PTPRG: variants seen among roughly 807,000 people sequenced by gnomAD.
The protein encoded by PTPRG is protein tyrosine phosphatase receptor type G.
A neutral mutation model predicts 165.3 loss-of-function variants in PTPRG; 102 were observed. The ratio of observed to expected loss-of-function variants is 0.62; its 90% CI spans 0.53 to 0.73. The LOEUF is 0.73. PTPRG is among the 30% of genes least tolerant of loss of function. The pLI, the probability that PTPRG is intolerant of heterozygous loss-of-function variation, is 0.00. For synonymous variants in PTPRG, 675 were observed against 669.5 expected (o/e 1.01, Z -0.13); for missense variants, 1,866 against 1,861.4 (o/e 1.00, Z -0.05).
intron 2 of PTPRG, among the ~76,000 whole-genome samples, chr3:61,845,858 A>ATTC (rs10701446): frequency 0.17 from 26,099 of 152,004 alleles, 2,310 homozygotes; most frequent in African/African-American, 0.22. Context: ...GTTGTTTCCT[A>ATTC]TTCTTTTGTG....
chr3:61,777,016 C>G (rs2034403232), intron 2 of PTPRG, among the ~76,000 whole-genome samples: 1 of 152,146 alleles, frequency 6.6e-6, no homozygotes, highest in East Asian at 1.9e-4. Flanking sequence ...TCTCATTCCT[C>G]TTTGAATCTT....
intron 4 of PTPRG, among the ~76,000 whole-genome samples, chr3:62,013,715 G>A (rs2041479663): frequency 6.6e-6 from 1 of 151,630 alleles, no homozygotes; most frequent in African/African-American, 2.4e-5. Flanking sequence ...TACACATATA[G>A]TAGTTCAGTT....
At chr3:61,673,207 A>G (rs1179043885) in intron 1 of PTPRG, among the ~76,000 whole-genome samples, 1 of 152,194 alleles carries the variant, frequency 6.6e-6, no homozygotes, top group Admixed American at 6.5e-5. Context: ...ATAACAAGCT[A>G]TAAGTTGTCC....
intron 2 of PTPRG, among the ~76,000 whole-genome samples, chr3:61,915,649 G>T (rs1033145830): frequency 1.3e-5 from 2 of 152,078 alleles, no homozygotes; most frequent in Non-Finnish European, 1.5e-5. Context: ...GGCCTTTTAG[G>T]AACATATTTT....
At chr3:61,731,528 T>C (rs2032500610) in intron 1 of PTPRG, among the ~76,000 whole-genome samples, 1 of 151,926 alleles carries the variant, frequency 6.6e-6, no homozygotes, top group Non-Finnish European at 1.5e-5. Flanking sequence ...TTTTGTATTT[T>C]AGTAGAGACA....
chr3:62,219,836 C>T lies in PTPRG; in HGVS notation c.2288+853C>T, dbSNP rs1217162120. Among the ~76,000 whole-genome samples the T allele has an allele frequency of 6.6e-6, 1 of 152,192 alleles. No individual in the cohort carries two copies. Among genetic ancestry groups the T allele is most frequent in the Non-Finnish European group, 1.5e-5 (1 of 68,026 alleles). On this transcript the variant is annotated intron_variant, in intron 13 of 29. Transcript: ENST00000474889. The surrounding 1 kb of genome is among the most constrained non-coding windows in gnomAD (Gnocchi z 4.5). ...TGAGTAAAACAGATAAGAATCCTTA[C>T]TGTCATGGAGCTTACAGTTTAGTGG...
chr3:61,688,447 TCCATC>T lies in PTPRG; in HGVS notation c.86-60430_86-60426del, dbSNP rs1168766435. On this transcript the variant is annotated intron_variant, in intron 1 of 29. Transcript: ENST00000474889. The stretch of plus-strand genomic sequence containing the variant: ...CAGAGGCTCTCTTTTCTCAGTCGCC[TCCATC>T]TTTCCAGAGACTCAGAGGCCACCAG... Among the ~76,000 whole-genome samples the T allele has an allele frequency of 6.7e-4, 102 of 152,296 alleles. 1 individual carries two copies. The highest frequency in any genetic ancestry group is 7.4e-5 in the Non-Finnish European group (5 of 68,024).
intron 1 of PTPRG, among the ~76,000 whole-genome samples, chr3:61,600,207 T>TGC (rs1700824710): frequency 4.0e-5 from 6 of 149,836 alleles, no homozygotes; most frequent in Non-Finnish European, 8.9e-5. Flanking sequence ...TGTGTGTGTG[T>TGC]GTGTGTGTGT....
intron 28 of PTPRG, among the ~76,000 whole-genome samples, chr3:62,291,851 T>C (rs1047793678): frequency 6.6e-6 from 1 of 152,158 alleles, no homozygotes; most frequent in Non-Finnish European, 1.5e-5. Flanking sequence ...AGAACCACAT[T>C]TATCTTTCCA....
chr3:61,821,625 T>C (rs1188018494), intron 2 of PTPRG, among the ~76,000 whole-genome samples: 1 of 152,078 alleles, frequency 6.6e-6, no homozygotes, highest in Non-Finnish European at 1.5e-5. Context: ...AAAGGAAGGC[T>C]AGGATGACCC....
chr3:61,853,658 AT>A (rs1404872250), intron 2 of PTPRG, among the ~76,000 whole-genome samples: 1 of 152,258 alleles, frequency 6.6e-6, no homozygotes, highest in Non-Finnish European at 1.5e-5. Context: ...ATGGTGACAG[AT>A]AATAAATGTT....
chr3:62,080,065 T>TTTTTTTTTTTTTTTTTTTTTTTTG (rs1701514960), intron 5 of PTPRG, among the ~76,000 whole-genome samples: 1 of 148,014 alleles, frequency 6.8e-6, no homozygotes, highest in Non-Finnish European at 1.5e-5. Context: ...TCGGTTCATT[T>TTTTTTTTTTTTTTTTTTTTTTTTG]TTTTTTTTTT....
intron 6 of PTPRG, among the ~76,000 whole-genome samples, chr3:62,132,910 A>T (rs1508392): frequency 6.6e-6 from 1 of 152,208 alleles, no homozygotes; most frequent in African/African-American, 2.4e-5. Flanking sequence ...TGCATATGTT[A>T]TAAATCAGAA....
At chr3:61,709,395 A>G (rs1401019533) in intron 1 of PTPRG, among the ~76,000 whole-genome samples, 1 of 152,004 alleles carries the variant, frequency 6.6e-6, no homozygotes, top group Non-Finnish European at 1.5e-5. Flanking sequence ...GTTTACTGCA[A>G]CGTCCACCTC....
At chr3:61,904,174 C>G (rs2038578444) in intron 2 of PTPRG, among the ~76,000 whole-genome samples, 1 of 152,144 alleles carries the variant, frequency 6.6e-6, no homozygotes, top group Non-Finnish European at 1.5e-5. Flanking sequence ...TTTTAACACC[C>G]AAGTGCAGCT....
chr3:62,082,326 C>G (rs1701609901), intron 5 of PTPRG, among the ~76,000 whole-genome samples: 1 of 152,100 alleles, frequency 6.6e-6, no homozygotes, highest in African/African-American at 2.4e-5. Context: ...AATGTTGCCC[C>G]CCAAAAGCAC....
intron 5 of PTPRG, among the ~76,000 whole-genome samples, chr3:62,120,266 G>A (rs1476885786): frequency 1.5e-5 from 2 of 132,556 alleles, no homozygotes; most frequent in Non-Finnish European, 3.4e-5. Context: ...GTTGATCCAG[G>A]ATACGGTTAG....
chr3:61,758,442 A>G (rs1471161086), intron 2 of PTPRG, among the ~76,000 whole-genome samples: 1 of 152,032 alleles, frequency 6.6e-6, no homozygotes, highest in East Asian at 1.9e-4. Context: ...CCATGTTGAA[A>G]TTATCTTAGT....
intron 5 of PTPRG, among the ~76,000 whole-genome samples, chr3:62,115,439 A>G (rs1282956144): frequency 6.6e-6 from 1 of 152,188 alleles, no homozygotes; most frequent in East Asian, 1.9e-4. Flanking sequence ...CAGGTAGGTT[A>G]CCACTCGATG....
Sources: allele counts gnomAD v4.1 joint callset (sites outside exome capture counted in the v4.1 genomes callset), GRCh38; gene constraint gnomAD v4.1.1; non-coding constraint Gnocchi (gnomAD v3.1); transcripts MANE v1.5; gene names NCBI Gene and HGNC (gene_info 2026-07-23, HGNC 2026-07-21).